Variants in PRICKLE1 observed in about 807,000 individuals in gnomAD.
PRICKLE1 encodes the protein prickle planar cell polarity protein 1.
In PRICKLE1, 14 loss-of-function variants were observed where a neutral mutation model predicts 70.2. The ratio of observed to expected loss-of-function variants is 0.20; its 90% confidence interval spans 0.13 to 0.31. The LOEUF is 0.31. Among genes scored for constraint, PRICKLE1 ranks in the 10% least tolerant of loss-of-function variants. The pLI, the probability that PRICKLE1 is intolerant of heterozygous loss-of-function variation, is 1.00. For missense variants in PRICKLE1, 821 were observed against 1,026.2 expected (o/e 0.80, Z 2.73); for synonymous variants, 357 against 379.9 (o/e 0.94, Z 0.70).
At chr12:42,469,727 C>T (rs368892911) in intron 3 of PRICKLE1, 140 bp from the exon 4 acceptor site, 1 of 1,020,314 alleles carries the variant, frequency 9.8e-7, no homozygotes. Flanking sequence ...TTTAAAATGA[C>T]ACCATATCTG....
chr12:42,473,687 G>T (rs761288829), intron 1 of PRICKLE1, among the ~76,000 whole-genome samples: 1 of 152,132 alleles, frequency 6.6e-6, no homozygotes. Flanking sequence ...TGATTTTAGA[G>T]AAAACAAGAT....
At chr12:42,527,604 T>A (rs1219919597) in intron 1 of PRICKLE1, among the ~76,000 whole-genome samples, 1 of 152,152 alleles carries the variant, frequency 6.6e-6, no homozygotes, top group Non-Finnish European at 1.5e-5. Flanking sequence ...CATCAAGACA[T>A]GGCATATGCC....
intron 1 of PRICKLE1, among the ~76,000 whole-genome samples, chr12:42,560,055 G>T (rs1211092636): frequency 6.6e-6 from 1 of 150,810 alleles, no homozygotes; most frequent in African/African-American, 2.4e-5. Flanking sequence ...CAAACTTAAG[G>T]TAAAGTATTA....
intron 1 of PRICKLE1, among the ~76,000 whole-genome samples, chr12:42,558,506 C>T (rs1022741836): frequency 6.6e-6 from 1 of 152,142 alleles, no homozygotes; most frequent in Non-Finnish European, 1.5e-5. Flanking sequence ...AGGAAAATTC[C>T]GATGCTGTTG....
intron 1 of PRICKLE1, among the ~76,000 whole-genome samples, chr12:42,487,543 G>T (rs1012941352): frequency 6.6e-6 from 1 of 152,108 alleles, no homozygotes; most frequent in Non-Finnish European, 1.5e-5. Context: ...TCCTTTGTGA[G>T]GGAGGTAAAC....
intron 1 of PRICKLE1, among the ~76,000 whole-genome samples, chr12:42,547,708 C>T (rs1442238457): frequency 3.3e-5 from 5 of 152,136 alleles, no homozygotes. Context: ...AAACCCACTT[C>T]CAAGGTTCTC....
At chr12:42,572,463 A>AT (rs1254350773) in intron 1 of PRICKLE1, among the ~76,000 whole-genome samples, 34 of 149,278 alleles carry the variant, frequency 2.3e-4, no homozygotes, top group African/African-American at 8.5e-4. Context: ...AAATAAATAA[A>AT]TAAATAAATT....
chr12:42,488,223 G>A (rs1420917119), intron 1 of PRICKLE1, among the ~76,000 whole-genome samples: 2 of 152,124 alleles, frequency 1.3e-5, no homozygotes, highest in Admixed American at 1.3e-4. Flanking sequence ...AGCTCCACCA[G>A]TTCTAGTATT....
intron 7 of PRICKLE1, among the ~76,000 whole-genome samples, chr12:42,462,825 C>T (rs1437465549): frequency 6.6e-6 from 1 of 152,168 alleles, no homozygotes; most frequent in Non-Finnish European, 1.5e-5. Flanking sequence ...TTCTATAATC[C>T]AAAGACTTGT....
intron 1 of PRICKLE1, among the ~76,000 whole-genome samples, chr12:42,493,810 A>T (rs2140173330): frequency 6.6e-6 from 1 of 151,560 alleles, no homozygotes; most frequent in Admixed American, 6.6e-5. Context: ...GGGAGCTCTG[A>T]TTGCACCACT....
chr12:42,468,583 T>C (rs772731082), intron 5 of PRICKLE1, 43 bp downstream of exon 5: 3 of 1,573,926 alleles, frequency 1.9e-6, no homozygotes, highest in South Asian at 1.1e-5. Flanking sequence ...TGGCTTAATC[T>C]AAGCTTATTT....
intron 1 of PRICKLE1, among the ~76,000 whole-genome samples, chr12:42,556,652 A>G (rs140311295): frequency 1.9e-4 from 29 of 152,312 alleles, no homozygotes; most frequent in African/African-American, 6.7e-4. Context: ...TGACTGAACA[A>G]ATGAGTTTTA....
chr12:42,475,570 C>T (rs995463697), intron 1 of PRICKLE1, among the ~76,000 whole-genome samples: 3 of 152,042 alleles, frequency 2.0e-5, no homozygotes, highest in Non-Finnish European at 2.9e-5. Flanking sequence ...AAGCTACCTG[C>T]GCTGCAGACA....
chr12:42,497,592 G>T (rs967130269), intron 1 of PRICKLE1, among the ~76,000 whole-genome samples: 4 of 150,794 alleles, frequency 2.7e-5, no homozygotes, highest in Admixed American at 1.3e-4. Context: ...CATCTTATAT[G>T]GGCACAGTTC....
At chr12:42,575,404 T>G (rs962059317) in intron 1 of PRICKLE1, among the ~76,000 whole-genome samples, 1 of 152,132 alleles carries the variant, frequency 6.6e-6, no homozygotes, top group Non-Finnish European at 1.5e-5. Context: ...TAGAAAGACG[T>G]GCAATTTGGG....
chr12:42,473,844 A>G (rs1324331619), intron 1 of PRICKLE1, among the ~76,000 whole-genome samples: 1 of 152,198 alleles, frequency 6.6e-6, no homozygotes, highest in Non-Finnish European at 1.5e-5. Flanking sequence ...AAAAAAAAAA[A>G]AAGTTCTCAT....
chr12:42,572,500 G>A (rs1407679822), intron 1 of PRICKLE1, among the ~76,000 whole-genome samples: 1 of 151,722 alleles, frequency 6.6e-6, no homozygotes, highest in Non-Finnish European at 1.5e-5. Flanking sequence ...AAAATAACGT[G>A]CTTATAGCCC....
At chr12:42,535,930 T>C (rs1310144743) in intron 1 of PRICKLE1, among the ~76,000 whole-genome samples, 1 of 152,164 alleles carries the variant, frequency 6.6e-6, no homozygotes, top group Non-Finnish European at 1.5e-5. Flanking sequence ...ATAGTCCCTT[T>C]CCCCCTTGGA....
At chr12:42,585,052 G>A (rs1940965344) in intron 1 of PRICKLE1, among the ~76,000 whole-genome samples, 4 of 149,624 alleles carry the variant, frequency 2.7e-5, no homozygotes, top group Admixed American at 2.0e-4. Context: ...TTTTTCTGAA[G>A]TGTAATCCAC....
Sources: gnomAD v4.1 joint callset for allele counts (sites outside exome capture counted in the v4.1 genomes callset) on GRCh38, gnomAD v4.1.1 for gene constraint, MANE v1.5 for transcripts, NCBI Gene and HGNC (gene_info 2026-07-23, HGNC 2026-07-21) for gene names.